MAST3: variants seen among roughly 807,000 people sequenced by gnomAD.
The protein encoded by MAST3 is microtubule-associated serine/threonine-protein kinase 3.
A neutral mutation model predicts 127.0 loss-of-function variants in MAST3; 43 were observed. That is an observed-to-expected ratio of 0.34 (90% CI 0.27 to 0.44). The LOEUF (loss-of-function observed/expected upper bound fraction) is 0.44. Ranked by LOEUF, MAST3 falls within the 20% of genes least tolerant of loss-of-function variation. MAST3 has a pLI of 1.00. For synonymous variants in MAST3, 785 were observed against 809.2 expected (o/e 0.97, Z 0.51); for missense variants, 1,390 against 1,919.1 (o/e 0.72, Z 5.15).
chr19:18,122,571 C>A, intron 5 of MAST3, 102 bp from the exon 6 acceptor site: 1 of 983,868 alleles, frequency 1.0e-6, no homozygotes, highest in Non-Finnish European at 1.6e-6. Flanking sequence ...GAGATCCTTC[C>A]TACAACAGGG....
In MAST3 at chr19:18,110,330, G is replaced by A; in HGVS notation, c.72-322G>A. The A allele has an allele frequency of 1.0e-6, 1 of 985,556 alleles. No homozygotes were observed. The highest frequency in any genetic ancestry group is 1.2e-6 in the Non-Finnish European group (1 of 830,018). The allele number at this position is 985,556 out of a possible 1,614,324, so 61.1% of individuals were successfully genotyped here. A position where few individuals can be genotyped will look rare whatever the true frequency, so the allele number is the denominator to read the frequency against. On this transcript the variant is annotated intron_variant, in intron 2 of 27. Transcript: ENST00000687212. This position sits in a 1 kb window ranked among gnomAD's most constrained non-coding sequence, Gnocchi z 4.3. ...GGCCTCTGCCTCGGCATGAAGTCCC[G>A]CAGGGACAAGCTGCACATCCCGGCG...
Position 18,124,303 on chromosome 19 carries a change from C to A in MAST3, c.882C>A (p.Ile294=). The A allele has an allele frequency of 6.2e-7, 1 of 1,609,554 alleles. No homozygotes were observed. The change falls in exon 10 of 28, where the codon ATC becomes ATA. Residue 294 remains isoleucine, a synonymous_variant. Transcript: ENST00000687212. ...CGGACAGTGAGGAGGTCAGCTTCATCGTCCAGCTTGTCCGGAAACTGCTGA... is the reference window on the plus strand; with the variant it reads ...CGGACAGTGAGGAGGTCAGCTTCATAGTCCAGCTTGTCCGGAAACTGCTGA... ...ERSDSEEVSF[I]VQLVRKLLII... is the part of the protein sequence containing the mutation.
At position 18,112,696 on chromosome 19, in the gene MAST3, C is replaced by A. The variant is rs1348064146; in HGVS notation, c.161+1955C>A. Among the ~76,000 whole-genome samples the A allele has an allele frequency of 6.6e-6, 1 of 152,088 alleles. No homozygotes were observed. Among genetic ancestry groups the A allele is most frequent in the Non-Finnish European group, 1.5e-5 (1 of 68,020 alleles). ...ATGTTGGCCAGGCTGGTCTTGAACT[C>A]CTGACCTCAGGTGATCCACCCGCCT... On this transcript the variant is annotated intron_variant, in intron 3 of 27. Coordinates refer to ENST00000687212, the MANE Select transcript of MAST3 (RefSeq NM_001393504.1). This position sits in a 1 kb window ranked among gnomAD's most constrained non-coding sequence, Gnocchi z 4.1.
rs55774461 is a variant in MAST3 at position 18,130,706 on chromosome 19, C to A, written c.1432+4C>A. ...ATGGTCATGGAATACGTGGAAGGTA[C>A]GCTCACTGGGGCTTGCATGCCTCCA... On this transcript the variant is annotated splice_donor_region_variant and intron_variant, in intron 14 of 27. Coordinates refer to ENST00000687212, the MANE Select transcript of MAST3 (RefSeq NM_001393504.1). 2 of 1,612,418 alleles carry A rather than the reference C, an allele frequency of 1.2e-6. No individual in the cohort carries two copies. Among genetic ancestry groups the A allele is most frequent in the East Asian group, 4.5e-5 (2 of 44,832 alleles).
Position 18,149,356 on chromosome 19 carries a change from CCCCGCTGGCCTG to C in MAST3, c.3680_3691del (p.Leu1227_Pro1230del). The C allele has an allele frequency of 6.6e-7, 1 of 1,505,854 alleles. No individual in the cohort carries two copies. The highest frequency in any genetic ancestry group is 1.3e-5 in the South Asian group (1 of 79,654). 93.3% of individuals were successfully genotyped at this position (1,505,854 alleles called of 1,614,324 possible). ...AAGTCCACCAGCAGCATCCCGCCCT[CCCCGCTGGCCTG>C]CCCGCCCATCTCCGCGCCCCCACCC... On this transcript the variant is annotated inframe_deletion, in exon 28 of 28. Coordinates refer to ENST00000687212, the MANE Select transcript of MAST3 (RefSeq NM_001393504.1). The surrounding 1 kb of genome is among the most constrained non-coding windows in gnomAD (Gnocchi z 5.9).
chr19:18,129,999 C>T (rs906847478), intron 13 of MAST3, among the ~76,000 whole-genome samples: 2 of 149,996 alleles, frequency 1.3e-5, no homozygotes, highest in African/African-American at 2.5e-5. Context: ...CCTATAATCC[C>T]AGCACTTTGG....
Position 18,144,423 on chromosome 19 carries a change from G to A in MAST3, c.2585-43G>A. On this transcript the variant is annotated intron_variant, in intron 22 of 27. Coordinates refer to ENST00000687212, the MANE Select transcript of MAST3 (RefSeq NM_001393504.1). The surrounding 1 kb of genome is among the most constrained non-coding windows in gnomAD (Gnocchi z 4.0). ...CCTTAAGGTCCCTTTAGGACCACAT[G>A]GTGAGTTTGAGGGGCACCCAGCTGA... 6.7e-7 allele frequency: 1 copy of A among 1,496,458 alleles called. No homozygotes were observed. The highest frequency in any genetic ancestry group is 1.2e-5 in the South Asian group (1 of 83,268). 92.7% of individuals were successfully genotyped at this position (1,496,458 alleles called of 1,614,324 possible).
Position 18,139,017 on chromosome 19 carries a change from C to T in MAST3, c.2098C>T (p.Arg700Cys). ...GCATGTGCCTCTCCCTCCCACAGCA[C>T]GTTCGGAACGTTACCGCCATCTGGG... Reference protein sequence around the residue: ...AEDDTSYFDTRSERYRHLGSE... With the variant: ...AEDDTSYFDTCSERYRHLGSE... The change falls in exon 20 of 28, where the codon CGT becomes TGT. Residue 700 changes from arginine to cysteine, a missense_variant and splice_region_variant. Physicochemically the swap from Arg to Cys is radical, Grantham distance 180. Transcript: ENST00000687212. 2 of 1,584,994 alleles carry T rather than the reference C, an allele frequency of 1.3e-6. No individual in the cohort carries two copies. The highest frequency in any genetic ancestry group is 1.7e-6 in the Non-Finnish European group (2 of 1,165,250).
intron 3 of MAST3, among the ~76,000 whole-genome samples, chr19:18,117,239 TA>T (rs1283112630): frequency 6.6e-6 from 1 of 152,180 alleles, no homozygotes; most frequent in Non-Finnish European, 1.5e-5. Flanking sequence ...TTTATAGAGA[TA>T]AATTATATAT....
At position 18,145,551 on chromosome 19, in the gene MAST3, G is replaced by C. The variant is rs764417607; in HGVS notation, c.3040-192G>C. On this transcript the variant is annotated intron_variant, in intron 24 of 27. Coordinates refer to ENST00000687212, the MANE Select transcript of MAST3 (RefSeq NM_001393504.1). The surrounding 1 kb of genome is among the most constrained non-coding windows in gnomAD (Gnocchi z 5.9). ...ATTGGTTGCTCCCTGAACAGACACA[G>C]AAGGCTTTCTGGAGAAGGGGGCGTA... Among the ~76,000 whole-genome samples, 1 of 152,204 alleles carries C rather than the reference G, an allele frequency of 6.6e-6. No homozygotes were observed. The highest frequency in any genetic ancestry group is 1.5e-5 in the Non-Finnish European group (1 of 68,040).
At chr19:18,134,436 G>C (rs937418848) in intron 15 of MAST3, 143 bp from the exon 16 acceptor site, 1 of 1,178,306 alleles carries the variant, frequency 8.5e-7, no homozygotes, top group Non-Finnish European at 1.2e-6. Context: ...CAGCTACTTG[G>C]GAGGCTGAGC....
chr19:18,118,218 G>C, intron 3 of MAST3: 3 of 985,314 alleles, frequency 3.0e-6, no homozygotes, highest in Non-Finnish European at 3.6e-6. Flanking sequence ...CATCGGAGCC[G>C]CCTGGCAAAA....
Position 18,149,012 on chromosome 19 carries a change from C to T in MAST3, c.3509-179C>T, listed in dbSNP as rs1172893722. Among the ~76,000 whole-genome samples the T allele has an allele frequency of 6.6e-6, 1 of 152,116 alleles. No homozygotes were observed. Among genetic ancestry groups the T allele is most frequent in the Non-Finnish European group, 1.5e-5 (1 of 68,000 alleles). The stretch of plus-strand genomic sequence containing the variant: ...CAGGAGGTTGAGGCTATGATTGAGC[C>T]AGTGCACTACAGTCTGGGCAACAGA... On this transcript the variant is annotated intron_variant, in intron 27 of 27. Coordinates refer to ENST00000687212, the MANE Select transcript of MAST3 (RefSeq NM_001393504.1). The surrounding 1 kb of genome is among the most constrained non-coding windows in gnomAD (Gnocchi z 5.9).
intron 3 of MAST3, among the ~76,000 whole-genome samples, chr19:18,117,327 T>A (rs1188573723): frequency 6.6e-6 from 1 of 152,184 alleles, no homozygotes; most frequent in East Asian, 1.9e-4. Context: ...GTCAGTTCAG[T>A]TTTCCTCCAA....
chr19:18,110,395 G>A lies in MAST3; in HGVS notation c.72-257G>A. 3 of 985,556 alleles carry A rather than the reference G, an allele frequency of 3.0e-6. No homozygotes were observed. Among genetic ancestry groups the A allele is most frequent in the Non-Finnish European group, 3.6e-6 (3 of 829,976 alleles). 61.1% of individuals were successfully genotyped at this position (985,556 alleles called of 1,614,324 possible). The stretch of plus-strand genomic sequence containing the variant: ...AGTGTTGGGCAGGGCGGGGGTATGC[G>A]GGGTGCAGGGAGGACAGGATGACAA... On this transcript the variant is annotated intron_variant, in intron 2 of 27. Coordinates refer to ENST00000687212, the MANE Select transcript of MAST3 (RefSeq NM_001393504.1). This position sits in a 1 kb window ranked among gnomAD's most constrained non-coding sequence, Gnocchi z 4.3.
chr19:18,148,329 G>T (rs940828674), intron 27 of MAST3, among the ~76,000 whole-genome samples: 2 of 151,986 alleles, frequency 1.3e-5, no homozygotes, highest in Admixed American at 1.3e-4. Flanking sequence ...GGTTGTGGTG[G>T]TGCACACATG....
intron 3 of MAST3, among the ~76,000 whole-genome samples, chr19:18,120,866 C>T (rs567765019): frequency 1.3e-5 from 2 of 152,292 alleles, no homozygotes; most frequent in South Asian, 4.1e-4. Flanking sequence ...GGATTACAGG[C>T]ATGCATCACC....
In MAST3 at chr19:18,124,931, A is replaced by ACCG. The variant is rs1555798748; in HGVS notation, c.1078+159_1078+160insGCC. Among the ~76,000 whole-genome samples the ACCG allele has an allele frequency of 4.2e-3, 566 of 135,708 alleles. 20 individuals carry two copies. In the East Asian group the frequency reaches 0.088, roughly 21 times the overall value. 89.0% of individuals were successfully genotyped at this position (135,708 alleles called of 152,430 possible). A position where few individuals can be genotyped will look rare whatever the true frequency, so the allele number is the denominator to read the frequency against. Reference sequence around the variant, plus strand: ...GACCAGCCTGGCCAACATGGTGGAAACCCCCCCCCTACTAAAAATACAAAA... The same window carrying ACCG: ...GACCAGCCTGGCCAACATGGTGGAAACCGCCCCCCCCCTACTAAAAATACAAAA... On this transcript the variant is annotated intron_variant, in intron 11 of 27. Transcript: ENST00000687212.
chr19:18,138,034 C>G (rs1015089023), intron 19 of MAST3, among the ~76,000 whole-genome samples: 1 of 151,988 alleles, frequency 6.6e-6, no homozygotes, highest in Non-Finnish European at 1.5e-5. Context: ...CATGGAGAAA[C>G]CCCATCTCTA....
Sources: allele counts gnomAD v4.1 joint callset (sites outside exome capture counted in the v4.1 genomes callset), GRCh38; gene constraint gnomAD v4.1.1; non-coding constraint Gnocchi (gnomAD v3.1); transcripts MANE v1.5; gene names NCBI Gene and HGNC (gene_info 2026-07-23, HGNC 2026-07-21).